Variants in FGF12 observed in about 807,000 individuals in gnomAD.
FGF12 encodes the protein fibroblast growth factor 12, also known as fibroblast growth factor 12B.
In FGF12, 14 loss-of-function variants were observed where a neutral mutation model predicts 23.6. The ratio of observed to expected loss-of-function variants is 0.59; its 90% CI spans 0.39 to 0.93. The LOEUF is 0.93. Ranked by LOEUF, FGF12 falls within the 40% of genes least tolerant of loss-of-function variation. The probability of loss-of-function intolerance (pLI) is 0.00; values close to 1 mark genes in which losing one functional copy is unlikely to be tolerated. For synonymous variants in FGF12, 62 were observed against 77.3 expected, an observed-to-expected ratio of 0.80 and a Z score of 1.04; for missense variants, 175 against 217.8, an observed-to-expected ratio of 0.80 and a Z score of 1.24.
intron 4 of FGF12, among the ~76,000 whole-genome samples, chr3:192,284,243 T>C (rs1022064535): frequency 1.3e-5 from 2 of 152,120 alleles, no homozygotes; most frequent in Non-Finnish European, 2.9e-5. Context: ...ATGAGGAGGA[T>C]CATGGAATAT....
chr3:192,327,723 A>G (rs1716894435), intron 4 of FGF12, among the ~76,000 whole-genome samples: 1 of 151,932 alleles, frequency 6.6e-6, no homozygotes, highest in African/African-American at 2.4e-5. Context: ...TTTTTGAGGA[A>G]GGGTTTTGCT....
chr3:192,509,447 C>T (rs967095636), intron 2 of FGF12, among the ~76,000 whole-genome samples: 1 of 152,198 alleles, frequency 6.6e-6, no homozygotes, highest in African/African-American at 2.4e-5. Context: ...AAAGCTACCA[C>T]ATTGTCAGTG....
chr3:192,439,733 T>C (rs555474311), intron 2 of FGF12, among the ~76,000 whole-genome samples: 21 of 152,152 alleles, frequency 1.4e-4, no homozygotes, highest in Admixed American at 3.9e-4. Flanking sequence ...TCCCAGCACT[T>C]TGGGAGGCCA....
At chr3:192,681,852 G>T (rs1292209008) in intron 2 of FGF12, among the ~76,000 whole-genome samples, 1 of 152,092 alleles carries the variant, frequency 6.6e-6, no homozygotes, top group Non-Finnish European at 1.5e-5. Flanking sequence ...GAGGAGGAAA[G>T]GCAACATGCT....
In FGF12 at chr3:192,657,971, C is replaced by G. The variant is rs1029119375; in HGVS notation, c.13+69210G>C. ...TATTTCTGCAATGAGTACCACGAGA[C>G]TATTTGGGTTTTTTTTTTCACTCTA... On this transcript the variant is annotated intron_variant, in intron 2 of 5. Transcript: ENST00000445105. 2.1e-4 allele frequency among the ~76,000 whole-genome samples: 22 copies of G among 104,446 alleles called. 1 individual carries two copies. The highest frequency in any genetic ancestry group is 7.2e-4 in the African/African-American group (22 of 30,386). The allele number at this position is 104,446 out of a possible 152,430, so 68.5% of individuals were successfully genotyped here. A position where few individuals can be genotyped will look rare whatever the true frequency, so the allele number is the denominator to read the frequency against.
rs148195629 is a variant in FGF12 at position 192,659,100 on chromosome 3, C to T, written c.13+68081G>A. 8.3e-3 allele frequency among the ~76,000 whole-genome samples: 1,266 copies of T among 152,136 alleles called. 21 individuals carry two copies. The highest frequency in any genetic ancestry group is 0.029 in the African/African-American group (1,218 of 41,480). ...TTCAGCTGCTGATGCTAGATTTCCA[C>T]GGATAGGAAAACATGAGCTCAACAA... On this transcript the variant is annotated intron_variant, in intron 2 of 5. Coordinates refer to ENST00000445105, the MANE Select transcript of FGF12 (RefSeq NM_004113.6).
At chr3:192,307,147 A>G (rs1715688963) in intron 4 of FGF12, among the ~76,000 whole-genome samples, 1 of 152,222 alleles carries the variant, frequency 6.6e-6, no homozygotes, top group African/African-American at 2.4e-5. Context: ...ATGTGATGGA[A>G]GACAAATATA....
chr3:192,690,978 G>A (rs1449351835), intron 2 of FGF12, among the ~76,000 whole-genome samples: 1 of 152,026 alleles, frequency 6.6e-6, no homozygotes, highest in Non-Finnish European at 1.5e-5. Flanking sequence ...AATGCATCAA[G>A]AGTCTACCAC....
At chr3:192,350,581 T>C (rs1377667044) in intron 3 of FGF12, among the ~76,000 whole-genome samples, 1 of 152,002 alleles carries the variant, frequency 6.6e-6, no homozygotes, top group African/African-American at 2.4e-5. Context: ...TTATGAGGGA[T>C]TGAGCTATTT....
chr3:192,275,194 G>A (rs1211090778), intron 4 of FGF12, among the ~76,000 whole-genome samples: 4 of 151,272 alleles, frequency 2.6e-5, no homozygotes, highest in African/African-American at 9.7e-5. Context: ...AACCAAGATG[G>A]AGTCACTCAT....
chr3:192,648,017 C>T (rs149209344), intron 2 of FGF12, among the ~76,000 whole-genome samples: 67 of 151,946 alleles, frequency 4.4e-4, no homozygotes, highest in African/African-American at 1.6e-3. Context: ...AGAATAGCCC[C>T]ATTTCACAAA....
At chr3:192,175,356 G>A (rs1416454194) in intron 4 of FGF12, among the ~76,000 whole-genome samples, 1 of 152,030 alleles carries the variant, frequency 6.6e-6, no homozygotes, top group African/African-American at 2.4e-5. Context: ...CTATAGTCTT[G>A]AGCCCTCAGT....
chr3:192,436,484 ATGC>A, intron 2 of FGF12, among the ~76,000 whole-genome samples: 1 of 152,312 alleles, frequency 6.6e-6, no homozygotes, highest in South Asian at 2.1e-4. Flanking sequence ...GGTGCTGCCG[ATGC>A]TGCTGATGTG....
chr3:192,322,918 G>A (rs1468050200), intron 4 of FGF12, among the ~76,000 whole-genome samples: 3 of 152,052 alleles, frequency 2.0e-5, no homozygotes, highest in Admixed American at 6.5e-5. Context: ...AAAGATCTGA[G>A]TAGGCATTTC....
intron 5 of FGF12, among the ~76,000 whole-genome samples, chr3:192,161,416 AT>A (rs1224797699): frequency 6.6e-6 from 1 of 151,980 alleles, no homozygotes; most frequent in Non-Finnish European, 1.5e-5. Flanking sequence ...GCAGATTCTA[AT>A]TCATAAGAAG....
At chr3:192,386,832 G>A (rs1003768634) in intron 2 of FGF12, among the ~76,000 whole-genome samples, 1 of 152,132 alleles carries the variant, frequency 6.6e-6, no homozygotes, top group Non-Finnish European at 1.5e-5. Flanking sequence ...TGGAATTAGA[G>A]TCAAAAGCTG....
At chr3:192,389,272 A>G (rs184781568) in intron 2 of FGF12, among the ~76,000 whole-genome samples, 152 of 152,316 alleles carry the variant, frequency 1.0e-3, no homozygotes, top group African/African-American at 3.2e-3. Flanking sequence ...AGGCAGGAGA[A>G]TCACACGAAC....
chr3:192,622,522 G>A (rs1336125146), intron 2 of FGF12, among the ~76,000 whole-genome samples: 1 of 152,140 alleles, frequency 6.6e-6, no homozygotes, highest in Non-Finnish European at 1.5e-5. Context: ...TGGAGTTCAA[G>A]GCAGGTCCCC....
intron 2 of FGF12, among the ~76,000 whole-genome samples, chr3:192,552,628 T>A (rs956654207): frequency 1.3e-5 from 2 of 152,130 alleles, no homozygotes; most frequent in African/African-American, 4.8e-5. Context: ...TGGTGGCTCA[T>A]GCCTATAATC....
Sources: gnomAD v4.1 joint callset for allele counts (sites outside exome capture counted in the v4.1 genomes callset) on GRCh38, gnomAD v4.1.1 for gene constraint, MANE v1.5 for transcripts, NCBI Gene and HGNC (gene_info 2026-07-23, HGNC 2026-07-21) for gene names.